The following VWA8 variants were observed in gnomAD, a reference collection of about 807,000 sequenced individuals.
VWA8 encodes the protein von Willebrand factor A domain-containing protein 8.
VWA8 carries 221 observed loss-of-function variants against 241.5 expected under a neutral mutation model. The ratio of observed to expected loss-of-function variants is 0.91; its 90% CI spans 0.82 to 1.02. The LOEUF is 1.02. Ranked by LOEUF, VWA8 falls within the 50% of genes least tolerant of loss-of-function variation. The pLI is 0.00. For synonymous variants in VWA8, 852 were observed against 827.1 expected (o/e 1.03, Z -0.52); for missense variants, 2,322 against 2,328.7 (o/e 1.00, Z 0.06).
Position 41,699,060 on chromosome 13 carries a change from G to C in VWA8, c.3564+11C>G. On this transcript the variant is annotated intron_variant, in intron 29 of 44. Coordinates refer to ENST00000379310, the MANE Select transcript of VWA8 (RefSeq NM_015058.2). ...TCATTCCTCACATAATTGTAGCCTG[G>C]TGTGCATTACCTGCTGCTCATGGAG... The C allele has an allele frequency of 6.2e-7, 1 of 1,613,722 alleles. No homozygotes were observed. The highest frequency in any genetic ancestry group is 1.1e-5 in the South Asian group (1 of 91,058).
intron 21 of VWA8, among the ~76,000 whole-genome samples, chr13:41,736,319 C>T (rs1406082923): frequency 6.6e-6 from 1 of 152,144 alleles, no homozygotes; most frequent in Non-Finnish European, 1.5e-5. Flanking sequence ...AAACTCTATT[C>T]TTAACTTTGG....
intron 42 of VWA8, among the ~76,000 whole-genome samples, chr13:41,577,794 T>G (rs2044359787): frequency 6.6e-6 from 1 of 152,332 alleles, no homozygotes; most frequent in Non-Finnish European, 1.5e-5. Flanking sequence ...GGGCTATGAA[T>G]GTGTTTGACT....
rs183908943 is a variant in VWA8, at chr13:41,867,560, G to A, written c.1212+786C>T. Among the ~76,000 whole-genome samples, 391 of 152,204 alleles carry A rather than the reference G, an allele frequency of 2.6e-3. 9 individuals are homozygous for A. The highest frequency in any genetic ancestry group is 5.6e-4 in the Non-Finnish European group (38 of 68,026). On this transcript the variant is annotated intron_variant, in intron 10 of 44. Coordinates refer to ENST00000379310, the MANE Select transcript of VWA8 (RefSeq NM_015058.2). The stretch of plus-strand genomic sequence containing the variant: ...AAACTTACCTTAATGGATCTTGCGG[G>A]ATTTAAATCGTGTAATATATGCAGA...
intron 26 of VWA8, among the ~76,000 whole-genome samples, chr13:41,717,486 C>T (rs1317866154): frequency 6.6e-6 from 1 of 151,884 alleles, no homozygotes; most frequent in African/African-American, 2.4e-5. Context: ...CATGGCTGAT[C>T]CAGGTAGACA....
At chr13:41,626,451 A>G (rs1380104747) in intron 37 of VWA8, among the ~76,000 whole-genome samples, 4 of 152,186 alleles carry the variant, frequency 2.6e-5, no homozygotes, top group Non-Finnish European at 5.9e-5. Flanking sequence ...AAAAAGAGCC[A>G]AACAGCCAAA....
chr13:41,910,632 A>G (rs1187791195), intron 3 of VWA8, among the ~76,000 whole-genome samples: 1 of 151,958 alleles, frequency 6.6e-6, no homozygotes, highest in East Asian at 1.9e-4. Context: ...CTAGATCTGT[A>G]ATTCTCAGTA....
chr13:41,758,160 C>T (rs562827976), intron 21 of VWA8, among the ~76,000 whole-genome samples: 1 of 151,034 alleles, frequency 6.6e-6, no homozygotes, highest in East Asian at 1.9e-4. Flanking sequence ...AAGTATGAAA[C>T]AGATAACCTT....
At chr13:41,912,526 A>C (rs1876060922) in intron 2 of VWA8, among the ~76,000 whole-genome samples, 1 of 152,156 alleles carries the variant, frequency 6.6e-6, no homozygotes, top group South Asian at 2.1e-4. Flanking sequence ...GCGATCTTCA[A>C]GGATGATTTG....
chr13:41,771,161 C>A (rs573949539), intron 20 of VWA8, among the ~76,000 whole-genome samples: 2 of 152,138 alleles, frequency 1.3e-5, no homozygotes. Context: ...CTCACTCTAT[C>A]GCCCAGGCTA....
intron 40 of VWA8, among the ~76,000 whole-genome samples, chr13:41,599,552 C>T (rs1277512944): frequency 1.3e-5 from 2 of 152,042 alleles, no homozygotes; most frequent in African/African-American, 4.8e-5. Flanking sequence ...TCCTTATTCT[C>T]GAATGATGAG....
chr13:41,927,086 A>C (rs1020062176), intron 2 of VWA8: 3 of 382,036 alleles, frequency 7.9e-6, no homozygotes, highest in Non-Finnish European at 1.5e-5. Flanking sequence ...AACTAAGCTG[A>C]ATAATCCTGT....
rs1431280057 is a variant in VWA8 at position 41,570,546 on chromosome 13, A to AACTT, written c.5527_5530dup (p.Phe1844Ter). On this transcript the variant is annotated stop_gained and frameshift_variant, in exon 44 of 45. Coordinates refer to ENST00000379310, the MANE Select transcript of VWA8 (RefSeq NM_015058.2). LOFTEE classifies it high-confidence loss of function. Reference sequence around the variant, plus strand: ...AGGGTCTCTTGTGAGGATTTGAGCAAACTTAGCAGGATGTATTCCATATCG... The same window carrying AACTT: ...AGGGTCTCTTGTGAGGATTTGAGCAAACTTACTTAGCAGGATGTATTCCATATCG... 1.2e-6 allele frequency: 2 copies of AACTT among 1,614,102 alleles called. No individual in the cohort carries two copies. The highest frequency in any genetic ancestry group is 3.3e-5 in the Admixed American group (2 of 60,004).
At chr13:41,727,670 T>G (rs1593724042) in intron 23 of VWA8, among the ~76,000 whole-genome samples, 1 of 152,156 alleles carries the variant, frequency 6.6e-6, no homozygotes, top group East Asian at 1.9e-4. Flanking sequence ...TAAGGGAGAA[T>G]CCAAGGAATA....
intron 2 of VWA8, among the ~76,000 whole-genome samples, chr13:41,924,773 T>C: frequency 6.7e-6 from 1 of 149,092 alleles, no homozygotes; most frequent in East Asian, 2.0e-4. Flanking sequence ...TTTTTTTTTT[T>C]AATTATACTT....
At chr13:41,953,832 T>A (rs574039775) in intron 1 of VWA8, among the ~76,000 whole-genome samples, 10 of 149,622 alleles carry the variant, frequency 6.7e-5, no homozygotes, top group Middle Eastern at 3.4e-3. Flanking sequence ...AAAAGAAAAT[T>A]AAAGGATGGA....
chr13:41,822,456 C>G (rs1226009548), intron 14 of VWA8, among the ~76,000 whole-genome samples: 1 of 152,174 alleles, frequency 6.6e-6, no homozygotes. Flanking sequence ...TGAACACATT[C>G]CTTATGCATC....
chr13:41,831,955 A>C, intron 13 of VWA8, among the ~76,000 whole-genome samples: 1 of 146,004 alleles, frequency 6.8e-6, no homozygotes, highest in Non-Finnish European at 1.5e-5. Flanking sequence ...TTTTTGAGAC[A>C]GAGTCTCGCT....
chr13:41,845,172 G>A (rs1347651740), intron 12 of VWA8, among the ~76,000 whole-genome samples: 1 of 152,058 alleles, frequency 6.6e-6, no homozygotes, highest in Non-Finnish European at 1.5e-5. Context: ...AGACATACAA[G>A]TGGCCAAAAA....
chr13:41,637,582 A>G (rs181319694), intron 37 of VWA8, among the ~76,000 whole-genome samples: 1 of 151,832 alleles, frequency 6.6e-6, no homozygotes. Flanking sequence ...GAAATAAAAA[A>G]AAATAAATAA....
Sources: gnomAD v4.1 joint callset for allele counts (sites outside exome capture counted in the v4.1 genomes callset) on GRCh38, gnomAD v4.1.1 for gene constraint, MANE v1.5 for transcripts, NCBI Gene and HGNC (gene_info 2026-07-23, HGNC 2026-07-21) for gene names.